The following TAOK1 variants were observed in gnomAD, a reference collection of about 807,000 sequenced individuals.
TAOK1 encodes TAO kinase 1.
In TAOK1, 21 loss-of-function variants were observed where a neutral mutation model predicts 138.3. That is an observed-to-expected ratio of 0.15 (90% confidence interval 0.11 to 0.22). TAOK1 has a LOEUF of 0.22. Among genes scored for constraint, TAOK1 ranks in the 10% least tolerant of loss-of-function variants. TAOK1 has a pLI of 1.00. For missense variants in TAOK1, 651 were observed against 1,227.7 expected (o/e 0.53, Z 7.02); for synonymous variants, 361 against 398.4 (o/e 0.91, Z 1.12).
intron 15 of TAOK1, chr17:29,511,539 T>C: frequency 6.6e-6 from 1 of 152,092 alleles, no homozygotes; most frequent in East Asian, 1.9e-4. Context: ...CCTGGCCTTA[T>C]GTTTTTATTT....
At chr17:29,535,353 TG>T (rs1193590772) in intron 19 of TAOK1, among the ~76,000 whole-genome samples, 1 of 152,070 alleles carries the variant, frequency 6.6e-6, no homozygotes, top group Non-Finnish European at 1.5e-5. Flanking sequence ...GATTATCAAT[TG>T]TATCCAGGAT....
intron 1 of TAOK1, among the ~76,000 whole-genome samples, chr17:29,408,384 C>G (rs1167709458): frequency 6.6e-6 from 1 of 151,716 alleles, no homozygotes; most frequent in Non-Finnish European, 1.5e-5. Context: ...TGCCACCACA[C>G]CTGGCTAATT....
At position 29,544,905 on chromosome 17, in the gene TAOK1, C is replaced by G. The variant is rs1219172104; in HGVS notation, c.*1883C>G. 1 of 152,228 alleles carries G rather than the reference C, an allele frequency of 6.6e-6. No homozygotes were observed. Among genetic ancestry groups the G allele is most frequent in the African/African-American group, 2.4e-5 (1 of 41,452 alleles). The allele number at this position is 152,228 out of a possible 1,614,324, so 9.4% of individuals were successfully genotyped here. On this transcript the variant is annotated 3_prime_UTR_variant, in exon 20 of 20. Coordinates refer to ENST00000261716, the MANE Select transcript of TAOK1 (RefSeq NM_020791.4). ...TGACCAAACAGTAATCAATCTATCA[C>G]TGTTGAAGTCCTGGTTTTCTCAACC... is the stretch of plus-strand genomic sequence containing the variant.
intron 7 of TAOK1, among the ~76,000 whole-genome samples, chr17:29,481,755 C>G (rs180972250): frequency 1.3e-5 from 2 of 151,820 alleles, no homozygotes; most frequent in Non-Finnish European, 2.9e-5. Context: ...GTCAGGAGAT[C>G]GAGACCATCC....
intron 1 of TAOK1, among the ~76,000 whole-genome samples, chr17:29,392,166 A>T (rs938529504): frequency 6.6e-5 from 10 of 152,146 alleles, no homozygotes; most frequent in African/African-American, 2.4e-4. Flanking sequence ...CAGTGAGGCG[A>T]GATGGTGCCA....
chr17:29,518,358 A>C (rs1392028138), intron 16 of TAOK1, among the ~76,000 whole-genome samples: 1 of 152,132 alleles, frequency 6.6e-6, no homozygotes, highest in South Asian at 2.1e-4. Context: ...TGTGGTGTGC[A>C]CCTGTAGTGC....
intron 1 of TAOK1, among the ~76,000 whole-genome samples, chr17:29,439,505 T>TA (rs1232069111): frequency 6.6e-6 from 1 of 152,084 alleles, no homozygotes; most frequent in Non-Finnish European, 1.5e-5. Context: ...GCCCAGCCGA[T>TA]AATGCCTTTT....
intron 14 of TAOK1, 22 bp from the exon 15 acceptor site, chr17:29,510,842 T>A: frequency 1.3e-6 from 2 of 1,542,602 alleles, no homozygotes; most frequent in Non-Finnish European, 1.7e-6. Flanking sequence ...TAAATTTGAT[T>A]CATTTTTTAA....
At chr17:29,439,184 C>T in intron 1 of TAOK1, among the ~76,000 whole-genome samples, 1 of 141,276 alleles carries the variant, frequency 7.1e-6, no homozygotes, top group Admixed American at 7.1e-5. Flanking sequence ...CTCAATTTGT[C>T]ATGATAATTT....
In TAOK1 at chr17:29,489,596, A is replaced by G; in HGVS notation, c.656-68A>G. 2.9e-6 allele frequency: 3 copies of G among 1,023,344 alleles called. No homozygotes were observed. In the South Asian group the frequency reaches 5.3e-5, roughly 18 times the overall value. The allele number at this position is 1,023,344 out of a possible 1,614,324, so 63.4% of individuals were successfully genotyped here. On this transcript the variant is annotated intron_variant, in intron 8 of 19. Transcript: ENST00000261716. Reference sequence around the variant, plus strand: ...TAAAATCATTTAAAAAAAAAAAAGGAAAAACGTGCCCAGGACTTGAGTACC... The same window carrying G: ...TAAAATCATTTAAAAAAAAAAAAGGGAAAACGTGCCCAGGACTTGAGTACC...
At chr17:29,439,652 C>G (rs1906150899) in intron 1 of TAOK1, among the ~76,000 whole-genome samples, 1 of 151,818 alleles carries the variant, frequency 6.6e-6, no homozygotes, top group Non-Finnish European at 1.5e-5. Context: ...AGAGTCCAGG[C>G]TAGTTGTTTT....
chr17:29,540,867 G>A (rs948961948), intron 19 of TAOK1, among the ~76,000 whole-genome samples: 2 of 151,944 alleles, frequency 1.3e-5, no homozygotes, highest in Admixed American at 1.3e-4. Context: ...ACTGTGCCCG[G>A]CCAATTTTTG....
At chr17:29,538,801 TAAC>T (rs2032266551) in intron 19 of TAOK1, among the ~76,000 whole-genome samples, 1 of 152,222 alleles carries the variant, frequency 6.6e-6, no homozygotes, top group Non-Finnish European at 1.5e-5. Context: ...AATTTTTAGA[TAAC>T]AACACAACTA....
At chr17:29,446,073 C>T (rs1021359763) in intron 1 of TAOK1, among the ~76,000 whole-genome samples, 1 of 151,940 alleles carries the variant, frequency 6.6e-6, no homozygotes, top group Non-Finnish European at 1.5e-5. Flanking sequence ...ATTGTATTTC[C>T]TCATCTTTTT....
At chr17:29,436,831 A>T (rs961087521) in intron 1 of TAOK1, among the ~76,000 whole-genome samples, 1 of 152,174 alleles carries the variant, frequency 6.6e-6, no homozygotes, top group Middle Eastern at 3.2e-3. Context: ...CGTGTCACAT[A>T]ATCCTGTTTG....
chr17:29,432,985 C>G (rs1027021138), intron 1 of TAOK1, among the ~76,000 whole-genome samples: 7 of 152,198 alleles, frequency 4.6e-5, no homozygotes, highest in Middle Eastern at 3.4e-3. Context: ...GTCTTGAATT[C>G]CTGGGCTCAA....
chr17:29,438,051 A>G (rs1039419006), intron 1 of TAOK1, among the ~76,000 whole-genome samples: 5 of 152,072 alleles, frequency 3.3e-5, no homozygotes, highest in African/African-American at 4.8e-5. Context: ...TTTATATTCT[A>G]TGGGGAAAAT....
At chr17:29,527,984 C>T (rs592862) in intron 17 of TAOK1, among the ~76,000 whole-genome samples, 57,510 of 151,986 alleles carry the variant, frequency 0.38, 12,095 homozygotes, top group Non-Finnish European at 0.48. Context: ...TTGTCTCCTC[C>T]GTTACCACAG....
intron 1 of TAOK1, among the ~76,000 whole-genome samples, chr17:29,433,155 C>T (rs1905904689): frequency 6.6e-6 from 1 of 152,004 alleles, no homozygotes; most frequent in Non-Finnish European, 1.5e-5. Context: ...AGAATGTAGC[C>T]AGGTGCAGTG....
Sources: allele counts gnomAD v4.1 joint callset (sites outside exome capture counted in the v4.1 genomes callset), GRCh38; gene constraint gnomAD v4.1.1; transcripts MANE v1.5; gene names NCBI Gene and HGNC (gene_info 2026-07-23, HGNC 2026-07-21).